Variants in PPP6C observed in about 807,000 individuals in gnomAD.
The protein encoded by PPP6C is serine/threonine-protein phosphatase 6 catalytic subunit.
In PPP6C, 11 loss-of-function variants were observed where a neutral mutation model predicts 39.8. The observed-to-expected ratio is 0.28, with a 90% CI of 0.17 to 0.46. The LOEUF (loss-of-function observed/expected upper bound fraction) is 0.46. PPP6C is among the 20% of genes least tolerant of loss of function. The pLI, the probability that PPP6C is intolerant of heterozygous loss-of-function variation, is 1.00. For synonymous variants in PPP6C, 129 were observed against 130.3 expected, an observed-to-expected ratio of 0.99 and a Z score of 0.07; for missense variants, 211 against 373.9, an observed-to-expected ratio of 0.56 and a Z score of 3.59.
rs1835881210 is a variant in PPP6C, at chr9:125,149,316, G to C, written c.*357C>G. ...AAACAAAAGGCTGAATGATACAAAA[G>C]GAGGAGTATTTAGGTGTAATCTGTC... On this transcript the variant is annotated 3_prime_UTR_variant, in exon 7 of 7. Transcript: ENST00000373547. 1 of 175,746 alleles carries C rather than the reference G, an allele frequency of 5.7e-6. No homozygotes were observed. Among genetic ancestry groups the C allele is most frequent in the Admixed American group, 6.0e-5 (1 of 16,766 alleles). The allele number at this position is 175,746 out of a possible 1,614,324, so 10.9% of individuals were successfully genotyped here.
At chr9:125,162,245 G>C (rs1054783195) in intron 2 of PPP6C, among the ~76,000 whole-genome samples, 1 of 151,974 alleles carries the variant, frequency 6.6e-6, no homozygotes, top group African/African-American at 2.4e-5. Context: ...ATCACTTGAG[G>C]TCAGGAGTTC....
At chr9:125,163,425 G>A (rs540848562) in intron 2 of PPP6C, among the ~76,000 whole-genome samples, 2 of 151,994 alleles carry the variant, frequency 1.3e-5, no homozygotes, top group East Asian at 3.9e-4. Flanking sequence ...TTACAGATAT[G>A]TTTTTTTGTT....
At chr9:125,180,673 A>G (rs2131340603) in intron 1 of PPP6C, among the ~76,000 whole-genome samples, 1 of 152,228 alleles carries the variant, frequency 6.6e-6, no homozygotes, top group East Asian at 1.9e-4. Flanking sequence ...CACCCACCTT[A>G]GCCTCCCAAA....
At chr9:125,188,830 T>C in intron 1 of PPP6C, 1 of 512,594 alleles carries the variant, frequency 2.0e-6, no homozygotes, top group Non-Finnish European at 2.9e-6. Flanking sequence ...TTAAAAAGTT[T>C]TAAAAAAGAA....
chr9:125,175,271 G>A (rs1829271567), intron 1 of PPP6C, among the ~76,000 whole-genome samples: 5 of 151,986 alleles, frequency 3.3e-5, no homozygotes, highest in Admixed American at 1.3e-4. Context: ...TCTGAACTTT[G>A]AGCCTTAAAC....
At chr9:125,155,904 C>CAAAAAAAAA (rs1231626756) in intron 4 of PPP6C, among the ~76,000 whole-genome samples, 1 of 61,454 alleles carries the variant, frequency 1.6e-5, no homozygotes, top group African/African-American at 6.3e-5. Context: ...GACTCCGTCT[C>CAAAAAAAAA]AAAAAAAAAA....
chr9:125,163,620 G>A (rs536944493), intron 2 of PPP6C, among the ~76,000 whole-genome samples: 2 of 151,838 alleles, frequency 1.3e-5, no homozygotes, highest in South Asian at 4.1e-4. Context: ...TAACAGAGAC[G>A]GGGTTTCACC....
At chr9:125,184,739 G>A (rs193103828) in intron 1 of PPP6C, among the ~76,000 whole-genome samples, 9 of 152,074 alleles carry the variant, frequency 5.9e-5, no homozygotes, top group East Asian at 1.9e-4. Context: ...TTGGGAGGCC[G>A]AGGTGGGCGG....
chr9:125,170,660 A>G (rs947459715), intron 2 of PPP6C, among the ~76,000 whole-genome samples: 3 of 152,212 alleles, frequency 2.0e-5, no homozygotes, highest in Non-Finnish European at 2.9e-5. Context: ...TACCTTTGCT[A>G]TTCTCATTCC....
chr9:125,181,312 C>CT (rs1280625536), intron 1 of PPP6C, among the ~76,000 whole-genome samples: 3 of 151,914 alleles, frequency 2.0e-5, no homozygotes, highest in Non-Finnish European at 4.4e-5. Flanking sequence ...TTTTTTCTTT[C>CT]TTTTTTTGTG....
At chr9:125,172,742 CACACACACAA>C (rs1429888512) in intron 1 of PPP6C, among the ~76,000 whole-genome samples, 8 of 144,250 alleles carry the variant, frequency 5.5e-5, no homozygotes, top group South Asian at 2.1e-4. Context: ...CACACACACA[CACACACACAA>C]ACACACACAC....
intron 4 of PPP6C, among the ~76,000 whole-genome samples, chr9:125,154,325 T>C (rs1424323608): frequency 2.0e-5 from 3 of 152,232 alleles, no homozygotes; most frequent in Admixed American, 6.5e-5. Context: ...CTATTGCTCA[T>C]AGGCTATAAA....
rs923092823 is a variant in PPP6C, at chr9:125,148,038, T to A, written c.*1635A>T. On this transcript the variant is annotated 3_prime_UTR_variant, in exon 7 of 7. Coordinates refer to ENST00000373547, the MANE Select transcript of PPP6C (RefSeq NM_002721.5). ...TAGCCACCTCTTTCATATAGCTATA[T>A]AATTAAAAACTATGTAAGGAGCTGG... 5.4e-6 allele frequency: 1 copy of A among 186,210 alleles called. No individual in the cohort carries two copies. The highest frequency in any genetic ancestry group is 2.4e-5 in the African/African-American group (1 of 41,576). 11.5% of individuals were successfully genotyped at this position (186,210 alleles called of 1,614,324 possible). A position where few individuals can be genotyped will look rare whatever the true frequency, so the allele number is the denominator to read the frequency against.
intron 6 of PPP6C, among the ~76,000 whole-genome samples, chr9:125,152,793 G>T (rs751459088): frequency 6.6e-6 from 1 of 150,590 alleles, no homozygotes. Flanking sequence ...TTGCACCATT[G>T]TACTCCAGCC....
chr9:125,156,113 T>C (rs60350525), intron 4 of PPP6C, among the ~76,000 whole-genome samples: 2,301 of 152,254 alleles, frequency 0.015, 109 homozygotes, highest in Admixed American at 0.082. Context: ...TGTATTTCAA[T>C]TGGTGTTTAT....
chr9:125,167,218 T>TA (rs200089010), intron 2 of PPP6C, among the ~76,000 whole-genome samples: 2,103 of 151,064 alleles, frequency 0.014, 58 homozygotes, highest in African/African-American at 0.048. Context: ...CCATCCCTAC[T>TA]AAAAATACAA....
chr9:125,174,047 T>C (rs1829240470), intron 1 of PPP6C, among the ~76,000 whole-genome samples: 1 of 152,176 alleles, frequency 6.6e-6, no homozygotes, highest in Non-Finnish European at 1.5e-5. Flanking sequence ...AAAGGAAGTA[T>C]ACATCCCTGC....
At chr9:125,160,570 C>G (rs1406901799) in intron 3 of PPP6C, among the ~76,000 whole-genome samples, 1 of 152,172 alleles carries the variant, frequency 6.6e-6, no homozygotes, top group Non-Finnish European at 1.5e-5. Flanking sequence ...TGCCGCCATC[C>G]ACATAAGATG....
At chr9:125,162,101 A>C (rs1355130168) in intron 2 of PPP6C, among the ~76,000 whole-genome samples, 1 of 152,108 alleles carries the variant, frequency 6.6e-6, no homozygotes, top group Non-Finnish European at 1.5e-5. Context: ...AAAAAAAAAA[A>C]AACAACTTTA....
Sources: allele counts gnomAD v4.1 joint callset (sites outside exome capture counted in the v4.1 genomes callset), GRCh38; gene constraint gnomAD v4.1.1; transcripts MANE v1.5; gene names NCBI Gene and HGNC (gene_info 2026-07-23, HGNC 2026-07-21).